The following ZC3H13 variants were observed in gnomAD, a reference collection of about 807,000 sequenced individuals.
The protein encoded by ZC3H13 is zinc finger CCCH domain-containing protein 13.
ZC3H13 carries 64 observed loss-of-function variants against 204.1 expected under a neutral mutation model. The ratio of observed to expected loss-of-function variants is 0.31; its 90% CI spans 0.26 to 0.39. ZC3H13 has a LOEUF of 0.39. Ranked by LOEUF, ZC3H13 falls within the 10% of genes least tolerant of loss-of-function variation. The probability of loss-of-function intolerance (pLI) is 1.00; values close to 1 mark genes in which losing one functional copy is unlikely to be tolerated. For missense variants in ZC3H13, 1,833 were observed against 2,082.7 expected (o/e 0.88, Z 2.33); for synonymous variants, 667 against 693.7 (o/e 0.96, Z 0.60).
intron 4 of ZC3H13, among the ~76,000 whole-genome samples, chr13:46,032,244 TAAA>T (rs1366440929): frequency 1.8e-4 from 28 of 151,500 alleles, no homozygotes; most frequent in Middle Eastern, 6.8e-3. Flanking sequence ...TAAAACTGTA[TAAA>T]ACATAGTGTT....
rs181084121 is a variant in ZC3H13, at chr13:45,961,411, C to A, written c.4676-1765G>T. Reference sequence around the variant, plus strand: ...TATAAAACATGACTAAATTTCCAGTCTCTTTAAAGTTTTGAACTGAGCAGC... The same window carrying A: ...TATAAAACATGACTAAATTTCCAGTATCTTTAAAGTTTTGAACTGAGCAGC... On this transcript the variant is annotated intron_variant, in intron 17 of 18. Transcript: ENST00000679008. 2.6e-3 allele frequency among the ~76,000 whole-genome samples: 392 copies of A among 151,926 alleles called. 3 individuals carry two copies. Among genetic ancestry groups the A allele is most frequent in the Non-Finnish European group, 6.3e-4 (43 of 67,950 alleles).
At chr13:45,999,209 C>T (rs949339293) in intron 8 of ZC3H13, among the ~76,000 whole-genome samples, 3 of 152,106 alleles carry the variant, frequency 2.0e-5, no homozygotes, top group Non-Finnish European at 4.4e-5. Flanking sequence ...GGCGCCAGTG[C>T]ACTTAAGCCT....
intron 8 of ZC3H13, among the ~76,000 whole-genome samples, chr13:45,998,883 C>T (rs1450984473): frequency 3.3e-5 from 5 of 152,014 alleles, no homozygotes; most frequent in East Asian, 3.9e-4. Flanking sequence ...CTCTTCCTTT[C>T]GCAAAAGATT....
chr13:45,979,743 G>A (rs1443478500), intron 11 of ZC3H13, 70 bp downstream of exon 11: 1 of 1,432,362 alleles, frequency 7.0e-7, no homozygotes, highest in Non-Finnish European at 9.4e-7. Context: ...AAGTAAATTG[G>A]TAACTGTTTG....
In ZC3H13 at chr13:45,979,835, G is replaced by C; in HGVS notation, c.1890C>G (p.Asp630Glu). ...AACCTCTCTCTCTGTTGTCACGACG[G>C]TCTCGCTCTCCATGTCTTCTCTCAA... ...SSFERRHGER[D>E]RRDNRERDQR... Residue 630 changes from aspartate to glutamate, a missense_variant, in exon 11 of 19, where the codon GAC (aspartate) becomes GAG (glutamate). This residue lies in a region of ZC3H13 where 1,574 missense variants were observed against 1,757.2 expected (regional missense o/e 0.90). Coordinates refer to ENST00000679008, the MANE Select transcript of ZC3H13 (RefSeq NM_001330564.2). 6.3e-7 allele frequency: 1 copy of C among 1,591,322 alleles called. No individual in the cohort carries two copies. The highest frequency in any genetic ancestry group is 8.5e-7 in the Non-Finnish European group (1 of 1,170,662).
chr13:45,968,099 AG>A, intron 14 of ZC3H13, 71 bp from the exon 15 acceptor site: 1 of 1,453,496 alleles, frequency 6.9e-7, no homozygotes, highest in Non-Finnish European at 9.2e-7. Flanking sequence ...CTTCATTTCA[AG>A]GTCCTTTAAA....
intron 15 of ZC3H13, among the ~76,000 whole-genome samples, 161 bp downstream of exon 15, chr13:45,967,343 C>A (rs1593461870): frequency 6.6e-6 from 1 of 152,180 alleles, no homozygotes; most frequent in East Asian, 1.9e-4. Flanking sequence ...ATATCTCTAT[C>A]TTACAGGCCT....
chr13:46,042,146 T>C lies in ZC3H13; in HGVS notation c.339+18A>G. The C allele has an allele frequency of 6.3e-7, 1 of 1,596,906 alleles. No individual in the cohort carries two copies. The highest frequency in any genetic ancestry group is 1.3e-5 in the African/African-American group (1 of 74,566). On this transcript the variant is annotated intron_variant, in intron 4 of 18. Transcript: ENST00000679008. ...TCACTACTGAAGTTGAACTTTGTTT[T>C]GGGAAATTCAATCCTACCCTAACAG... is the stretch of plus-strand genomic sequence containing the variant.
In ZC3H13 at chr13:45,965,902, T is replaced by G. The variant is rs151267130; in HGVS notation, c.4322-470A>C. Reference sequence around the variant, plus strand: ...AAGCTTAAATCTTAGTTCATATTATTTAGCTCATTATATAAACTTTACAAC... The same window carrying G: ...AAGCTTAAATCTTAGTTCATATTATGTAGCTCATTATATAAACTTTACAAC... On this transcript the variant is annotated intron_variant, in intron 15 of 18. Coordinates refer to ENST00000679008, the MANE Select transcript of ZC3H13 (RefSeq NM_001330564.2). Among the ~76,000 whole-genome samples the G allele has an allele frequency of 1.9e-3, 290 of 152,302 alleles. 5 individuals are homozygous for G. Among genetic ancestry groups the G allele is most frequent in the African/African-American group, 6.6e-3 (275 of 41,580 alleles).
chr13:45,961,564 G>A (rs1951688587), intron 17 of ZC3H13, among the ~76,000 whole-genome samples: 1 of 137,198 alleles, frequency 7.3e-6, no homozygotes, highest in African/African-American at 2.7e-5. Context: ...AGATGTGGGG[G>A]TGGGGAGATG....
intron 3 of ZC3H13, 27 bp downstream of exon 3, chr13:46,044,928 A>G (rs780643602): frequency 1.3e-6 from 2 of 1,556,120 alleles, no homozygotes; most frequent in Non-Finnish European, 1.8e-6. Context: ...CTAATAGTAC[A>G]TGAACAATAC....
intron 5 of ZC3H13, among the ~76,000 whole-genome samples, chr13:46,012,268 T>C (rs955265262): frequency 1.3e-5 from 2 of 151,768 alleles, no homozygotes; most frequent in East Asian, 3.9e-4. Context: ...ATCTATTTCA[T>C]TAAAATACAT....
rs763187905 is a variant in ZC3H13 at position 45,985,545 on chromosome 13, T to C, written c.1472A>G (p.Glu491Gly). The change falls in exon 10 of 19, where the codon GAG (glutamate) becomes GGG (glycine). Residue 491 changes from glutamate to glycine, a missense_variant. By Grantham distance (98) the Glu-to-Gly change is moderately conservative. Around this residue, in one of 5 missense-constraint regions of ZC3H13, gnomAD observed 1,574 missense variants for 1,757.2 expected, o/e 0.90. Coordinates refer to ENST00000679008, the MANE Select transcript of ZC3H13 (RefSeq NM_001330564.2). ...EMRDYSRDTK[E>G]SRDPRDSRST... ...CCGAGAATCTCTGGGATCACGGCTCTCTTTGGTATCTCTGCTATAATCTCT... is the reference window on the plus strand; with the variant it reads ...CCGAGAATCTCTGGGATCACGGCTCCCTTTGGTATCTCTGCTATAATCTCT... 3 of 1,614,076 alleles carry C rather than the reference T, an allele frequency of 1.9e-6. No homozygotes were observed. In the Admixed American group the frequency reaches 5.0e-5, roughly 27 times the overall value.
intron 5 of ZC3H13, among the ~76,000 whole-genome samples, chr13:46,014,357 C>A (rs1483994367): frequency 6.6e-6 from 1 of 152,006 alleles, no homozygotes; most frequent in Non-Finnish European, 1.5e-5. Flanking sequence ...CCCCTCACCC[C>A]CCATCCCCAC....
chr13:45,984,366 T>C (rs1238206075), intron 10 of ZC3H13, among the ~76,000 whole-genome samples: 2 of 152,144 alleles, frequency 1.3e-5, no homozygotes, highest in Non-Finnish European at 2.9e-5. Flanking sequence ...TTGAACCATG[T>C]AAATACATAA....
chr13:45,989,226 C>T lies in ZC3H13; in HGVS notation c.945-129G>A. 4.1e-6 allele frequency: 4 copies of T among 971,798 alleles called. No homozygotes were observed. The South Asian group carries it at 5.4e-5, about 13-fold the overall frequency. The allele number at this position is 971,798 out of a possible 1,614,324, so 60.2% of individuals were successfully genotyped here. On this transcript the variant is annotated intron_variant, in intron 8 of 18. Transcript: ENST00000679008. Reference sequence around the variant, plus strand: ...TAACTTCAGAATAAATTTTAATTCACAATGCTGTAAAATTCTAAGTAAGTC... The same window carrying T: ...TAACTTCAGAATAAATTTTAATTCATAATGCTGTAAAATTCTAAGTAAGTC...
chr13:46,021,584 GC>G (rs2042222449), intron 4 of ZC3H13, among the ~76,000 whole-genome samples: 1 of 151,714 alleles, frequency 6.6e-6, no homozygotes, highest in African/African-American at 2.4e-5. Flanking sequence ...ATATATAACT[GC>G]CCCTAAATTC....
rs564744474 is a variant in ZC3H13, at chr13:46,020,518, T to C, written c.379A>G (p.Ile127Val). The change falls in exon 5 of 19, where the codon ATA becomes GTA. Residue 127 changes from isoleucine to valine, a missense_variant. This residue lies in a region of ZC3H13 where 1,574 missense variants were observed against 1,757.2 expected (regional missense o/e 0.90). Transcript: ENST00000679008. ...GGAGTTCTTTCCTTAGTGATTTTTA[T>C]GTCTTCCTTTTCCCTATGTCTCCCT... Reference protein sequence around the residue: ...SRGRHREKEDIKITKERTPES... With the variant: ...SRGRHREKEDVKITKERTPES... 2 of 1,611,856 alleles carry C rather than the reference T, an allele frequency of 1.2e-6. No individual in the cohort carries two copies. The highest frequency in any genetic ancestry group is 1.3e-5 in the African/African-American group (1 of 74,902).
At chr13:46,038,002 A>G (rs2043316392) in intron 4 of ZC3H13, among the ~76,000 whole-genome samples, 1 of 152,210 alleles carries the variant, frequency 6.6e-6, no homozygotes, top group Non-Finnish European at 1.5e-5. Context: ...TCATGGCTGC[A>G]TATCAGAACC....
Sources: allele counts gnomAD v4.1 joint callset (sites outside exome capture counted in the v4.1 genomes callset), GRCh38; gene constraint gnomAD v4.1.1; regional missense constraint gnomAD v4.1.1; transcripts MANE v1.5; gene names NCBI Gene and HGNC (gene_info 2026-07-23, HGNC 2026-07-21).